PCDHA8: variants seen among roughly 807,000 people sequenced by gnomAD.
PCDHA8 encodes protocadherin alpha-8.
In PCDHA8, 53 loss-of-function variants were observed where a neutral mutation model predicts 61.8. The ratio of observed to expected loss-of-function variants is 0.86; its 90% CI spans 0.69 to 1.08. The LOEUF (loss-of-function observed/expected upper bound fraction) is 1.08, where lower values mean the gene tolerates loss of function less well. Among genes scored for constraint, PCDHA8 ranks in the 50% least tolerant of loss-of-function variants. The probability of loss-of-function intolerance (pLI) is 0.00; values close to 1 mark genes in which losing one functional copy is unlikely to be tolerated. For synonymous variants in PCDHA8, 618 were observed against 556.6 expected, an observed-to-expected ratio of 1.11 and a Z score of -1.55; for missense variants, 1,293 against 1,245.0, an observed-to-expected ratio of 1.04 and a Z score of -0.58.
At chr5:140,947,635 G>A (rs1170525936) in intron 1 of PCDHA8, among the ~76,000 whole-genome samples, 1 of 151,538 alleles carries the variant, frequency 6.6e-6, no homozygotes, top group African/African-American at 2.4e-5. Context: ...TCATCAGATC[G>A]TATGAACATA....
intron 2 of PCDHA8, among the ~76,000 whole-genome samples, chr5:140,981,989 A>G (rs1343187322): frequency 2.0e-5 from 3 of 152,236 alleles, no homozygotes; most frequent in African/African-American, 4.8e-5. Flanking sequence ...AAAATAGAAA[A>G]TAAGGTTAAG....
At chr5:140,858,105 C>A (rs782612207) in intron 1 of PCDHA8, 2 of 1,597,672 alleles carry the variant, frequency 1.3e-6, no homozygotes, top group East Asian at 2.2e-5. Context: ...GTGGGCGTGG[C>A]GCCCGAGGTG....
intron 1 of PCDHA8, among the ~76,000 whole-genome samples, chr5:140,962,126 C>T (rs1429316991): frequency 6.6e-6 from 1 of 152,094 alleles, no homozygotes; most frequent in African/African-American, 2.4e-5. Flanking sequence ...ACCTTGGCCT[C>T]GGCCTCCCAA....
At chr5:140,900,429 C>A (rs1202126306) in intron 1 of PCDHA8, among the ~76,000 whole-genome samples, 1 of 152,174 alleles carries the variant, frequency 6.6e-6, no homozygotes, top group East Asian at 1.9e-4. Context: ...AGGCACGTGC[C>A]ACCACGGCCG....
rs1417036031 is a variant in PCDHA8, at chr5:140,855,830, G to A, written c.2394+12115G>A. On this transcript the variant is annotated intron_variant, in intron 1 of 3. Coordinates refer to ENST00000531613, the MANE Select transcript of PCDHA8 (RefSeq NM_018911.3). Reference sequence around the variant, plus strand: ...AGAAAAGTTGTGAACTCATGGAATCGTACTTACACCTAAAGCCACCGGATG... The same window carrying A: ...AGAAAAGTTGTGAACTCATGGAATCATACTTACACCTAAAGCCACCGGATG... The A allele has an allele frequency of 5.8e-5, 33 of 567,192 alleles. 2 individuals carry two copies. Among genetic ancestry groups the A allele is most frequent in the Non-Finnish European group, 9.5e-5 (31 of 325,120 alleles). The allele number at this position is 567,192 out of a possible 1,614,324, so 35.1% of individuals were successfully genotyped here.
chr5:140,938,875 C>T (rs2092238013), intron 1 of PCDHA8, among the ~76,000 whole-genome samples: 1 of 151,912 alleles, frequency 6.6e-6, no homozygotes. Flanking sequence ...AGTTAAGAAG[C>T]AACACACACA....
rs782103518 is a variant in PCDHA8 at position 140,843,120 on chromosome 5, A to T, written c.1799A>T (p.Asp600Val). The T allele has an allele frequency of 1.3e-6, 2 of 1,595,472 alleles. No homozygotes were observed. The highest frequency in any genetic ancestry group is 2.7e-5 in the African/African-American group (2 of 74,352). Residue 600 changes from aspartate (D) to valine (V), a missense_variant, in exon 1 of 4, where the codon GAC (aspartate) becomes GTC (valine). Coordinates refer to ENST00000531613, the MANE Select transcript of PCDHA8 (RefSeq NM_018911.3). ...VVAKVRAVDADSGYNAWLSYE... is the reference protein window; with the variant it reads ...VVAKVRAVDAVSGYNAWLSYE... The stretch of plus-strand genomic sequence containing the variant: ...GCGAAGGTGCGCGCAGTGGACGCCG[A>T]CTCGGGCTACAACGCGTGGCTTTCG...
intron 1 of PCDHA8, among the ~76,000 whole-genome samples, chr5:140,894,646 C>A (rs1481747888): frequency 2.0e-5 from 3 of 151,766 alleles, no homozygotes; most frequent in African/African-American, 7.3e-5. Flanking sequence ...ATTACTGAGT[C>A]TCTCTAATTC....
chr5:140,877,625 A>T (rs1554169929), intron 1 of PCDHA8: 1 of 1,613,774 alleles, frequency 6.2e-7, no homozygotes, highest in Non-Finnish European at 8.5e-7. Context: ...CTGCTGCTGT[A>T]CACTGCGCTG....
At chr5:140,856,473 C>T (rs1471191080) in intron 1 of PCDHA8, 2 of 1,598,372 alleles carry the variant, frequency 1.3e-6, no homozygotes. Flanking sequence ...CTCTCAATAC[C>T]TGAATCCAGA....
rs782751899 is a variant in PCDHA8 at position 140,967,272 on chromosome 5, T to G, written c.2395-11677T>G. The G allele has an allele frequency of 1.2e-6, 2 of 1,613,412 alleles. No homozygotes were observed. Among genetic ancestry groups the G allele is most frequent in the East Asian group, 2.2e-5 (1 of 44,860 alleles). On this transcript the variant is annotated intron_variant, in intron 1 of 3. Transcript: ENST00000531613. ...GTGGCGCCTGGAGCGCGCTTTCACA[T>G]AGAGAGTGCGCAGGACCCCGACGTG...
intron 1 of PCDHA8, among the ~76,000 whole-genome samples, chr5:140,941,239 C>CTTTCTTTCT (rs2092936825): frequency 7.4e-6 from 1 of 134,500 alleles, no homozygotes; most frequent in South Asian, 2.4e-4. Context: ...TTCTTTCTTT[C>CTTTCTTTCT]TTTCTTTCTT....
rs1554138934 is a variant in PCDHA8 at position 140,842,280 on chromosome 5, T to C, written c.959T>C (p.Ile320Thr). The change falls in exon 1 of 4, where the codon ATT becomes ACT. Residue 320 changes from isoleucine to threonine, a missense_variant. Physicochemically the swap from Ile to Thr is moderately conservative, Grantham distance 89. Coordinates refer to ENST00000531613, the MANE Select transcript of PCDHA8 (RefSeq NM_018911.3). Reference protein sequence around the residue: ...FEQENLYKILIDATDKGHPPM... With the variant: ...FEQENLYKILTDATDKGHPPM... ...CAAGAAAACTTATACAAAATCCTCA[T>C]TGACGCCACGGACAAAGGCCATCCT... 10 of 1,610,840 alleles carry C rather than the reference T, an allele frequency of 6.2e-6. No individual in the cohort carries two copies. Among genetic ancestry groups the C allele is most frequent in the South Asian group, 3.3e-5 (3 of 91,008 alleles).
chr5:140,855,670 T>G (rs1581372681), intron 1 of PCDHA8, among the ~76,000 whole-genome samples: 2 of 149,924 alleles, frequency 1.3e-5, no homozygotes, highest in African/African-American at 4.9e-5. Context: ...ATCACTACTC[T>G]GAGAGTCTAC....
At chr5:140,891,285 G>T (rs1402021884) in intron 1 of PCDHA8, among the ~76,000 whole-genome samples, 1 of 152,102 alleles carries the variant, frequency 6.6e-6, no homozygotes, top group South Asian at 2.1e-4. Flanking sequence ...GTTATTGGGG[G>T]TACAGGTGGT....
intron 3 of PCDHA8, among the ~76,000 whole-genome samples, chr5:140,995,476 A>G (rs2097685199): frequency 6.6e-6 from 1 of 152,210 alleles, no homozygotes; most frequent in Non-Finnish European, 1.5e-5. Flanking sequence ...TTTTTCATTT[A>G]ATATTTTCAG....
intron 1 of PCDHA8, among the ~76,000 whole-genome samples, chr5:140,898,104 A>G (rs1220718510): frequency 2.0e-5 from 3 of 152,110 alleles, no homozygotes; most frequent in Middle Eastern, 3.4e-3. Flanking sequence ...TTGTCAGATG[A>G]GTAGGTTGCG....
At chr5:140,985,000 C>T (rs1237251178) in intron 3 of PCDHA8, among the ~76,000 whole-genome samples, 5 of 151,948 alleles carry the variant, frequency 3.3e-5, no homozygotes, top group Non-Finnish European at 7.4e-5. Context: ...TCCAGTGGCA[C>T]GATATCGGCT....
At chr5:140,868,536 T>C (rs2050515063) in intron 1 of PCDHA8, 1 of 152,638 alleles carries the variant, frequency 6.6e-6, no homozygotes, top group Non-Finnish European at 1.5e-5. Flanking sequence ...AGTAAAACAA[T>C]TCAAATTTGA....
Sources: gnomAD v4.1 joint callset for allele counts (sites outside exome capture counted in the v4.1 genomes callset) on GRCh38, gnomAD v4.1.1 for gene constraint, MANE v1.5 for transcripts, NCBI Gene and HGNC (gene_info 2026-07-23, HGNC 2026-07-21) for gene names.